Variants in KCNIP4 observed in about 807,000 individuals in gnomAD.
KCNIP4 encodes the protein potassium voltage-gated channel interacting protein 4.
KCNIP4 carries 12 observed loss-of-function variants against 34.0 expected under a neutral mutation model. The observed-to-expected ratio is 0.35, with a 90% CI of 0.23 to 0.57. The LOEUF (loss-of-function observed/expected upper bound fraction) is 0.57, where lower values mean the gene tolerates loss of function less well. Among genes scored for constraint, KCNIP4 ranks in the 20% least tolerant of loss-of-function variants. The probability of loss-of-function intolerance (pLI) is 0.83; values close to 1 mark genes in which losing one functional copy is unlikely to be tolerated. For missense variants in KCNIP4, 238 were observed against 311.7 expected, an observed-to-expected ratio of 0.76 and a Z score of 1.78; for synonymous variants, 124 against 102.2, an observed-to-expected ratio of 1.21 and a Z score of -1.29.
intron 1 of KCNIP4, among the ~76,000 whole-genome samples, chr4:21,483,542 C>T (rs1324381422): frequency 6.6e-6 from 1 of 152,032 alleles, no homozygotes; most frequent in African/African-American, 2.4e-5. Context: ...GTAATCCCAG[C>T]ACTTTGGGAG....
chr4:20,874,099 A>G (rs1723756030), intron 2 of KCNIP4, among the ~76,000 whole-genome samples: 1 of 152,212 alleles, frequency 6.6e-6, no homozygotes, highest in Non-Finnish European at 1.5e-5. Context: ...ATTAGCCAGT[A>G]ACTGTTCTAA....
intron 1 of KCNIP4, among the ~76,000 whole-genome samples, chr4:20,950,568 T>A (rs1033392777): frequency 1.3e-5 from 2 of 152,094 alleles, no homozygotes; most frequent in African/African-American, 4.8e-5. Flanking sequence ...TGGTGGCAAT[T>A]TAACTCCAAG....
chr4:21,760,268 C>T lies in KCNIP4; in HGVS notation c.61+188303G>A, dbSNP rs973257456. Among the ~76,000 whole-genome samples the T allele has an allele frequency of 2.0e-5, 3 of 151,984 alleles. No individual in the cohort carries two copies. In the East Asian group the frequency reaches 5.8e-4, roughly 29 times the overall value. On this transcript the variant is annotated intron_variant, in intron 1 of 8. Transcript: ENST00000382152. ...AATCTAGTGGTTCCATGAATGACTG[C>T]AAATCTTGAGTGCTCTGCTGATGCT...
At chr4:20,935,924 G>T (rs1239393736) in intron 1 of KCNIP4, among the ~76,000 whole-genome samples, 2 of 152,088 alleles carry the variant, frequency 1.3e-5, no homozygotes, top group African/African-American at 4.8e-5. Flanking sequence ...CATCAACAAT[G>T]TATCTGATAG....
chr4:21,340,037 C>A (rs1051803154), intron 1 of KCNIP4, among the ~76,000 whole-genome samples: 1 of 152,100 alleles, frequency 6.6e-6, no homozygotes, highest in South Asian at 2.1e-4. Context: ...TCTCTGTACA[C>A]CATAGGCACT....
In KCNIP4 at chr4:21,717,888, C is replaced by T. The variant is rs1297513294; in HGVS notation, c.61+230683G>A. On this transcript the variant is annotated intron_variant, in intron 1 of 8. Transcript: ENST00000382152. Reference sequence around the variant, plus strand: ...TCTCTTTCATCTTTTAATGCATCACCAGCTTAGACCTATGGTACCCAGTTG... The same window carrying T: ...TCTCTTTCATCTTTTAATGCATCACTAGCTTAGACCTATGGTACCCAGTTG... Among the ~76,000 whole-genome samples the T allele has an allele frequency of 6.6e-5, 10 of 152,048 alleles. No individual in the cohort carries two copies. The South Asian group carries it at 2.1e-3, about 32-fold the overall frequency.
intron 1 of KCNIP4, among the ~76,000 whole-genome samples, chr4:21,192,555 A>C (rs1755728783): frequency 6.6e-6 from 1 of 152,098 alleles, no homozygotes; most frequent in Non-Finnish European, 1.5e-5. Flanking sequence ...CAGGTTTCTT[A>C]TTCAGCCGTA....
chr4:21,302,862 T>C (rs959113915), intron 1 of KCNIP4, among the ~76,000 whole-genome samples: 1 of 152,202 alleles, frequency 6.6e-6, no homozygotes, highest in Non-Finnish European at 1.5e-5. Context: ...GGATTAGTTG[T>C]GGATGTAAAT....
At chr4:20,842,027 G>A (rs1422782682) in intron 3 of KCNIP4, among the ~76,000 whole-genome samples, 1 of 151,944 alleles carries the variant, frequency 6.6e-6, no homozygotes, top group Non-Finnish European at 1.5e-5. Flanking sequence ...TGTAACAAAT[G>A]TCATCCTCCT....
rs1157104290 is a variant in KCNIP4, at chr4:20,916,985, TTATATATATATATATATATATATA to T, written c.62-34300_62-34277del. 5.0e-3 allele frequency among the ~76,000 whole-genome samples: 205 copies of T among 41,312 alleles called. 1 individual carries two copies. The highest frequency in any genetic ancestry group is 0.024 in the African/African-American group (179 of 7,448). 27.1% of individuals were successfully genotyped at this position (41,312 alleles called of 152,430 possible). A position where few individuals can be genotyped will look rare whatever the true frequency, so the allele number is the denominator to read the frequency against. Reference sequence around the variant, plus strand: ...TCTTCCACCATTGACCATCTTATGTTTATATATATATATATATATATATATATATATATATATATATATATATAT... The same window carrying T: ...TCTTCCACCATTGACCATCTTATGTTTATATATATATATATATATATATAT... On this transcript the variant is annotated intron_variant, in intron 1 of 8. Coordinates refer to ENST00000382152, the MANE Select transcript of KCNIP4 (RefSeq NM_025221.6).
intron 1 of KCNIP4, among the ~76,000 whole-genome samples, chr4:21,009,623 C>T (rs1262939573): frequency 6.6e-6 from 1 of 152,184 alleles, no homozygotes; most frequent in African/African-American, 2.4e-5. Context: ...TCATAGTTTT[C>T]CTACCACATG....
chr4:21,233,489 G>A (rs1420620760), intron 1 of KCNIP4, among the ~76,000 whole-genome samples: 1 of 151,982 alleles, frequency 6.6e-6, no homozygotes, highest in African/African-American at 2.4e-5. Context: ...TTGTTGCCAG[G>A]GAAAAGGTAG....
At chr4:21,906,652 T>G (rs1728018274) in intron 1 of KCNIP4, among the ~76,000 whole-genome samples, 1 of 152,146 alleles carries the variant, frequency 6.6e-6, no homozygotes, top group Non-Finnish European at 1.5e-5. Context: ...CTCTGGCCTT[T>G]TATAGAAAAA....
chr4:20,908,058 T>C (rs996026281), intron 1 of KCNIP4, among the ~76,000 whole-genome samples: 30 of 151,652 alleles, frequency 2.0e-4, no homozygotes, highest in South Asian at 6.2e-4. Context: ...AAATTTCATG[T>C]ACCTGTCCTC....
chr4:20,825,186 T>C (rs1472040050), intron 3 of KCNIP4, among the ~76,000 whole-genome samples: 1 of 150,244 alleles, frequency 6.7e-6, no homozygotes, highest in Non-Finnish European at 1.5e-5. Flanking sequence ...AGTGAGTAAA[T>C]AATTATTTTC....
chr4:21,506,847 A>G (rs1430767042), intron 1 of KCNIP4, among the ~76,000 whole-genome samples: 1 of 151,902 alleles, frequency 6.6e-6, no homozygotes, highest in African/African-American at 2.4e-5. Context: ...GCTGGAGTGC[A>G]GTGGCATGAT....
At chr4:21,170,034 A>G (rs1753906059) in intron 1 of KCNIP4, among the ~76,000 whole-genome samples, 1 of 152,178 alleles carries the variant, frequency 6.6e-6, no homozygotes, top group Non-Finnish European at 1.5e-5. Context: ...TAGAAGTTCA[A>G]AAAGCAGAGT....
At chr4:21,933,255 G>A (rs1729674439) in intron 1 of KCNIP4, among the ~76,000 whole-genome samples, 1 of 151,908 alleles carries the variant, frequency 6.6e-6, no homozygotes, top group African/African-American at 2.4e-5. Flanking sequence ...TAAAACCTGT[G>A]ATCACTTCTC....
intron 3 of KCNIP4, among the ~76,000 whole-genome samples, chr4:20,846,179 T>C (rs1349323790): frequency 6.6e-6 from 1 of 152,180 alleles, no homozygotes; most frequent in Non-Finnish European, 1.5e-5. Flanking sequence ...TTACCTATTA[T>C]AATCCAGAGC....
Sources: gnomAD v4.1 joint callset for allele counts (sites outside exome capture counted in the v4.1 genomes callset) on GRCh38, gnomAD v4.1.1 for gene constraint, MANE v1.5 for transcripts, NCBI Gene and HGNC (gene_info 2026-07-23, HGNC 2026-07-21) for gene names.